GABRR3: variants seen among roughly 807,000 people sequenced by gnomAD.
GABRR3 encodes gamma-aminobutyric acid receptor subunit rho-3.
Under a neutral mutation model 43.2 loss-of-function variants are expected in GABRR3, and 29 were observed. That is an observed-to-expected ratio of 0.67 (90% CI 0.50 to 0.92). The LOEUF (loss-of-function observed/expected upper bound fraction) is 0.92, where lower values mean the gene tolerates loss of function less well. Among genes scored for constraint, GABRR3 ranks in the 40% least tolerant of loss-of-function variants. The pLI, the probability that GABRR3 is intolerant of heterozygous loss-of-function variation, is 0.00. For missense variants in GABRR3, 576 were observed against 572.3 expected, an observed-to-expected ratio of 1.01 and a Z score of -0.07; for synonymous variants, 206 against 195.9, an observed-to-expected ratio of 1.05 and a Z score of -0.43.
intron 9 of GABRR3, among the ~76,000 whole-genome samples, chr3:97,987,187 C>G (rs1249965349): frequency 6.6e-6 from 1 of 151,974 alleles, no homozygotes; most frequent in East Asian, 1.9e-4. Flanking sequence ...AAACTAAAAC[C>G]ATGTCATCGG....
exon 3 of GABRR3, chr3:98,025,623 T>C (rs1190047776): frequency 1.2e-6 from 2 of 1,613,450 alleles, no homozygotes; most frequent in Admixed American, 3.3e-5. Context: ...AAGTTGCTCA[T>C]ATTTCTGAGG....
At chr3:98,006,379 A>T (rs1289052588) in intron 7 of GABRR3, among the ~76,000 whole-genome samples, 1 of 152,234 alleles carries the variant, frequency 6.6e-6, no homozygotes, top group African/African-American at 2.4e-5. Flanking sequence ...TCATTTGCTG[A>T]ATCCCAAGCA....
intron 5 of GABRR3, 28 bp from the exon 6 acceptor site, chr3:98,009,066 T>C: frequency 2.1e-6 from 3 of 1,449,752 alleles, no homozygotes; most frequent in Non-Finnish European, 2.9e-6. Flanking sequence ...AAAAGAAAAC[T>C]GCAGATCATT....
At chr3:98,000,777 CA>C (rs1269774899) in intron 8 of GABRR3, 1 of 151,992 alleles carries the variant, frequency 6.6e-6, no homozygotes. Context: ...AGAGCAAAAT[CA>C]GATAAAATGA....
At chr3:98,034,741 A>T in intron 2 of GABRR3, 122 bp downstream of exon 2, 1 of 1,198,822 alleles carries the variant, frequency 8.3e-7, no homozygotes, top group South Asian at 1.5e-5. Context: ...ATCTCTAGAG[A>T]CAGACATGGT....
chr3:98,004,431 G>A (rs934066768), intron 7 of GABRR3, among the ~76,000 whole-genome samples: 1 of 152,050 alleles, frequency 6.6e-6, no homozygotes, highest in Non-Finnish European at 1.5e-5. Flanking sequence ...ATAGAGACAG[G>A]GTTTGAACTT....
intron 4 of GABRR3, among the ~76,000 whole-genome samples, chr3:98,014,057 C>A (rs1279365514): frequency 6.6e-6 from 1 of 151,988 alleles, no homozygotes; most frequent in Non-Finnish European, 1.5e-5. Context: ...AAATGAGAAG[C>A]AAAAACAAAT....
chr3:98,010,312 T>C (rs537448402), intron 5 of GABRR3, among the ~76,000 whole-genome samples: 14 of 152,316 alleles, frequency 9.2e-5, no homozygotes, highest in Admixed American at 7.2e-4. Context: ...TGGCGCTTAA[T>C]TCTCTCAGCA....
At position 98,012,633 on chromosome 3, in the gene GABRR3, C is replaced by T. The variant is rs79668264; in HGVS notation, c.307-66G>A. The T allele has an allele frequency of 2.8e-3, 3,022 of 1,072,360 alleles. 49 individuals carry two copies. The African/African-American group carries it at 0.039, about 14-fold the overall frequency. The allele number at this position is 1,072,360 out of a possible 1,614,324, so 66.4% of individuals were successfully genotyped here. The stretch of plus-strand genomic sequence containing the variant: ...TATGGTTCAGGATGACCACTCAACA[C>T]TGTTAGTCCCAGGACTCATTCCTAT... On this transcript the variant is annotated intron_variant, in intron 4 of 9. Coordinates refer to ENST00000621172, the Ensembl canonical transcript of GABRR3.
chr3:98,019,719 G>T (rs549539973), intron 3 of GABRR3, among the ~76,000 whole-genome samples: 12 of 152,182 alleles, frequency 7.9e-5, no homozygotes, highest in African/African-American at 2.2e-4. Context: ...CTGAGTAGCT[G>T]GGATTAGAGG....
intron 7 of GABRR3, among the ~76,000 whole-genome samples, chr3:98,003,062 C>A (rs563890489): frequency 4.7e-4 from 72 of 152,052 alleles, no homozygotes; most frequent in Non-Finnish European, 7.8e-4. Context: ...TTCAGGAATA[C>A]CAAACAATTT....
chr3:98,008,856 G>A, intron 6 of GABRR3, 100 bp downstream of exon 6: 1 of 456,176 alleles, frequency 2.2e-6, no homozygotes, highest in South Asian at 4.1e-5. Context: ...AAATATATCA[G>A]TATTTTAAAA....
chr3:98,004,633 T>G (rs1328883237), intron 7 of GABRR3, among the ~76,000 whole-genome samples: 2 of 150,520 alleles, frequency 1.3e-5, no homozygotes, highest in African/African-American at 2.4e-5. Context: ...TATTGCCAGG[T>G]CGTGGTGATT....
intron 8 of GABRR3, chr3:97,998,833 A>G (rs1410378900): frequency 6.6e-6 from 1 of 152,164 alleles, no homozygotes; most frequent in Non-Finnish European, 1.5e-5. Flanking sequence ...GCTTCATACA[A>G]TGTTACCATG....
chr3:98,010,857 T>C (rs991425439), intron 5 of GABRR3, among the ~76,000 whole-genome samples: 1 of 152,168 alleles, frequency 6.6e-6, no homozygotes. Flanking sequence ...GCCAGTACTT[T>C]GGGGGGCCGA....
intron 5 of GABRR3, among the ~76,000 whole-genome samples, chr3:98,009,353 G>T (rs565385118): frequency 2.6e-5 from 4 of 152,302 alleles, no homozygotes; most frequent in African/African-American, 7.2e-5. Flanking sequence ...CAAAGTGAGA[G>T]ACTTTTAAAT....
In GABRR3 at chr3:98,012,327, T is replaced by A; in HGVS notation, c.530+17A>T. 1 of 1,601,094 alleles carries A rather than the reference T, an allele frequency of 6.2e-7. No homozygotes were observed. The highest frequency in any genetic ancestry group is 1.1e-5 in the South Asian group (1 of 90,512). On this transcript the variant is annotated intron_variant, in intron 5 of 9. Coordinates refer to ENST00000621172, the Ensembl canonical transcript of GABRR3. Reference sequence around the variant, plus strand: ...TGCAGTACAGGGAAGCCAAAGGCGATAGGCAGCTTTCCTTACCTGAGACTT... The same window carrying A: ...TGCAGTACAGGGAAGCCAAAGGCGAAAGGCAGCTTTCCTTACCTGAGACTT...
chr3:97,986,906 A>T (rs1380290625), exon 10 of GABRR3: 1 of 1,611,816 alleles, frequency 6.2e-7, no homozygotes. Flanking sequence ...AGTCTGGTCC[A>T]TGTCAATCTC....
chr3:98,017,627 A>C (rs1310685514), intron 4 of GABRR3, 28 bp downstream of exon 4: 3 of 1,561,848 alleles, frequency 1.9e-6, no homozygotes, highest in Admixed American at 1.7e-5. Context: ...TTTTCAGAAA[A>C]AGAGCAATAT....
Sources: allele counts gnomAD v4.1 joint callset (sites outside exome capture counted in the v4.1 genomes callset), GRCh38; gene constraint gnomAD v4.1.1; transcripts MANE v1.5; gene names NCBI Gene and HGNC (gene_info 2026-07-23, HGNC 2026-07-21).